Variants in DNAH17 observed in about 807,000 individuals in gnomAD.
DNAH17 encodes axonemal beta dynein heavy chain 17.
In DNAH17, 376 loss-of-function variants were observed where a neutral mutation model predicts 485.6. The observed-to-expected ratio is 0.77, with a 90% CI of 0.71 to 0.84. The LOEUF is 0.84. Among genes scored for constraint, DNAH17 ranks in the 40% least tolerant of loss-of-function variants. DNAH17 has a pLI of 0.00. For missense variants in DNAH17, 6,370 were observed against 5,839.3 expected, an observed-to-expected ratio of 1.09 and a Z score of -2.96; for synonymous variants, 3,031 against 2,405.9, an observed-to-expected ratio of 1.26 and a Z score of -7.60.
intron 54 of DNAH17, among the ~76,000 whole-genome samples, chr17:78,469,935 G>A (rs2088668159): frequency 6.6e-6 from 1 of 152,238 alleles, no homozygotes; most frequent in South Asian, 2.1e-4. Flanking sequence ...ATGGGGAGTT[G>A]TTTAATGGAG....
intron 56 of DNAH17, among the ~76,000 whole-genome samples, chr17:78,463,792 A>C (rs955511126): frequency 2.0e-5 from 3 of 152,258 alleles, no homozygotes; most frequent in African/African-American, 7.2e-5. Flanking sequence ...TTTGCCCCAG[A>C]AATTGTCTCA....
intron 22 of DNAH17, among the ~76,000 whole-genome samples, chr17:78,528,607 C>G (rs952036666): frequency 1.3e-5 from 2 of 152,016 alleles, no homozygotes; most frequent in South Asian, 4.2e-4. Context: ...GGTGGACGGG[C>G]TGGGAGGAGT....
At chr17:78,509,691 C>A (rs942413203) in intron 27 of DNAH17, among the ~76,000 whole-genome samples, 1 of 152,080 alleles carries the variant, frequency 6.6e-6, no homozygotes, top group Non-Finnish European at 1.5e-5. Context: ...GGGGGCCATC[C>A]CCCACCCATC....
chr17:78,472,581 G>A (rs1461487179), intron 54 of DNAH17: 2 of 345,830 alleles, frequency 5.8e-6, no homozygotes, highest in Non-Finnish European at 1.2e-5. Context: ...CTGGGGTGAA[G>A]GTTTCACAGA....
Position 78,453,408 on chromosome 17 carries a change from G to A in DNAH17, c.10464C>T (p.Asn3488=), listed in dbSNP as rs778870458. 4 of 1,613,952 alleles carry A rather than the reference G, an allele frequency of 2.5e-6. No individual in the cohort carries two copies. The highest frequency in any genetic ancestry group is 1.7e-6 in the Non-Finnish European group (2 of 1,179,834). The change falls in exon 65 of 81, where the codon AAC becomes AAT. Residue 3488 remains asparagine, a synonymous_variant. Coordinates refer to ENST00000389840, the MANE Select transcript of DNAH17 (RefSeq NM_173628.4). ...ISEGDTLLIE[N]IGETVDPVLD... ...GCACGGGGTCCACGGTTTCGCCGAT[G>A]TTCTCAATGAGCAAGGTGTCCCCTT...
intron 56 of DNAH17, among the ~76,000 whole-genome samples, chr17:78,464,758 T>C (rs894585894): frequency 3.3e-5 from 5 of 152,214 alleles, no homozygotes; most frequent in Non-Finnish European, 7.3e-5. Context: ...TCAGCCTTCC[T>C]GAACTGGCCC....
At chr17:78,482,989 C>T (rs941882425) in intron 48 of DNAH17, among the ~76,000 whole-genome samples, 6 of 152,148 alleles carry the variant, frequency 3.9e-5, no homozygotes, top group African/African-American at 9.7e-5. Context: ...AGGGGCCTCG[C>T]GAGTTGCAGG....
intron 75 of DNAH17, among the ~76,000 whole-genome samples, chr17:78,432,983 C>A (rs1442288541): frequency 6.0e-5 from 9 of 151,170 alleles, no homozygotes; most frequent in African/African-American, 2.2e-4. Context: ...ACCCCGAGGC[C>A]CCACGTAGGC....
At chr17:78,503,074 T>G in intron 31 of DNAH17, 63 bp from the exon 32 acceptor site, 1 of 1,510,230 alleles carries the variant, frequency 6.6e-7, no homozygotes, top group Non-Finnish European at 8.9e-7. Context: ...TCCAATAATT[T>G]TGTTTGTATT....
chr17:78,430,366 C>T (rs952765425), intron 75 of DNAH17, among the ~76,000 whole-genome samples: 1 of 152,194 alleles, frequency 6.6e-6, no homozygotes, highest in Non-Finnish European at 1.5e-5. Flanking sequence ...TCCTGCCGCT[C>T]ACAGTCAGCT....
At chr17:78,449,980 AGTTT>A in intron 68 of DNAH17, 1 of 512,794 alleles carries the variant, frequency 2.0e-6, no homozygotes, top group Non-Finnish European at 3.5e-6. Flanking sequence ...CAGGCCATCC[AGTTT>A]GTTTTGATTG....
intron 71 of DNAH17, among the ~76,000 whole-genome samples, chr17:78,441,502 TG>T (rs1240428449): frequency 6.7e-6 from 1 of 150,140 alleles, no homozygotes; most frequent in Non-Finnish European, 1.5e-5. Flanking sequence ...CTGCGGGGGG[TG>T]GGGGCGCTGA....
At chr17:78,563,194 C>T (rs2092195042) in intron 11 of DNAH17, among the ~76,000 whole-genome samples, 1 of 152,160 alleles carries the variant, frequency 6.6e-6, no homozygotes, top group Admixed American at 6.5e-5. Flanking sequence ...CTTCCTTACC[C>T]AAATTCTGAT....
intron 27 of DNAH17, 77 bp from the exon 28 acceptor site, chr17:78,507,882 C>T: frequency 7.5e-7 from 1 of 1,340,116 alleles, no homozygotes; most frequent in South Asian, 1.5e-5. Context: ...GTTTCCAGGA[C>T]ATAGACTGAA....
At chr17:78,433,890 G>A (rs1274055507) in intron 75 of DNAH17, 139 bp downstream of exon 75, 2 of 623,834 alleles carry the variant, frequency 3.2e-6, no homozygotes, top group Non-Finnish European at 4.9e-6. Context: ...TGTCTTTTAA[G>A]CCTAAGACAA....
intron 34 of DNAH17, 140 bp downstream of exon 34, chr17:78,501,602 G>A (rs1482152590): frequency 2.4e-5 from 31 of 1,290,846 alleles, no homozygotes; most frequent in Non-Finnish European, 3.3e-5. Context: ...GGGCAAGGAG[G>A]TTAGGAGGCA....
In DNAH17 at chr17:78,459,797, G is replaced by A. The variant is rs778197907; in HGVS notation, c.9640C>T (p.Leu3214=). 3 of 1,614,028 alleles carry A rather than the reference G, an allele frequency of 1.9e-6. No homozygotes were observed. Among genetic ancestry groups the A allele is most frequent in the Non-Finnish European group, 1.7e-6 (2 of 1,179,886 alleles). The part of the protein sequence containing the change: ...FDKEHIPEAC[L]KAFKPYQGNP... Reference sequence around the variant, plus strand: ...GCCCCGACTCACTTGAAGGCCTTCAGGCAGGCCTCAGGGATGTGCTCCTTG... The same window carrying A: ...GCCCCGACTCACTTGAAGGCCTTCAAGCAGGCCTCAGGGATGTGCTCCTTG... Residue 3214 remains leucine (L), a synonymous_variant, in exon 60 of 81, where the codon CTG becomes TTG. Transcript: ENST00000389840.
chr17:78,552,874 C>A, intron 14 of DNAH17, 69 bp from the exon 15 acceptor site: 4 of 1,072,018 alleles, frequency 3.7e-6, no homozygotes, highest in South Asian at 1.3e-5. Context: ...TGGTAAGGAC[C>A]TTTTATTCCT....
Position 78,479,572 on chromosome 17 carries a change from T to G in DNAH17, c.7813A>C (p.Asn2605His), listed in dbSNP as rs539835684. The change falls in exon 50 of 81, where the codon AAC (asparagine) becomes CAC (histidine). Residue 2605 changes from asparagine to histidine, a missense_variant. By Grantham distance (68) the Asn-to-His change is moderately conservative (BLOSUM62 1). Transcript: ENST00000389840. Reference sequence around the variant, plus strand: ...GCCAGGTGCTGCGTCAGGATTGTGTTGTAGATGGTGGTGAGGGCCTCCTGG... The same window carrying G: ...GCCAGGTGCTGCGTCAGGATTGTGTGGTAGATGGTGGTGAGGGCCTCCTGG... The part of the protein sequence containing the change: ...PGQEALTTIY[N>H]TILTQHLAFR... 19 of 1,613,446 alleles carry G rather than the reference T, an allele frequency of 1.2e-5. No homozygotes were observed. The highest frequency in any genetic ancestry group is 1.6e-5 in the Non-Finnish European group (19 of 1,179,840).
Sources: gnomAD v4.1 joint callset for allele counts (sites outside exome capture counted in the v4.1 genomes callset) on GRCh38, gnomAD v4.1.1 for gene constraint, MANE v1.5 for transcripts, NCBI Gene and HGNC (gene_info 2026-07-23, HGNC 2026-07-21) for gene names.